The following KIF6 variants were observed in gnomAD, a reference collection of about 807,000 sequenced individuals.
KIF6 encodes the protein kinesin family member 6.
In KIF6, 106 loss-of-function variants were observed where a neutral mutation model predicts 112.7. That is an observed-to-expected ratio of 0.94 (90% CI 0.80 to 1.11). KIF6 has a LOEUF of 1.11. Among genes scored for constraint, KIF6 ranks in the 50% least tolerant of loss-of-function variants. The pLI, the probability that KIF6 is intolerant of heterozygous loss-of-function variation, is 0.00. For synonymous variants in KIF6, 339 were observed against 339.9 expected, an observed-to-expected ratio of 1.00 and a Z score of 0.03; for missense variants, 929 against 964.0, an observed-to-expected ratio of 0.96 and a Z score of 0.48.
rs149913170 is a variant in KIF6, at chr6:39,409,706, C to T, written c.1810+10242G>A. Among the ~76,000 whole-genome samples the T allele has an allele frequency of 4.3e-3, 659 of 152,296 alleles. 5 individuals are homozygous for T. Among genetic ancestry groups the T allele is most frequent in the South Asian group, 0.026 (125 of 4,822 alleles). On this transcript the variant is annotated intron_variant, in intron 15 of 22. Transcript: ENST00000287152. ...CATGAAGCCAGCACCAAACTGAGGC[C>T]GTCTCCATGCTGAGTGGAATGGCGG...
chr6:39,363,952 C>T (rs573658512), intron 16 of KIF6, among the ~76,000 whole-genome samples: 1 of 152,308 alleles, frequency 6.6e-6, no homozygotes, highest in Admixed American at 6.5e-5. Flanking sequence ...CTGTTTCCTC[C>T]TACTTTTGAG....
At chr6:39,504,236 A>G (rs185908402) in intron 13 of KIF6, among the ~76,000 whole-genome samples, 46 of 152,336 alleles carry the variant, frequency 3.0e-4, no homozygotes, top group African/African-American at 8.7e-4. Context: ...CATCAAATAA[A>G]CAGAACTAAA....
intron 3 of KIF6, among the ~76,000 whole-genome samples, chr6:39,706,371 C>T (rs904132852): frequency 1.3e-5 from 2 of 152,152 alleles, no homozygotes; most frequent in Non-Finnish European, 2.9e-5. Flanking sequence ...ACATCAACTG[C>T]TGTTGTTTTA....
chr6:39,413,507 T>G (rs1055468752), intron 15 of KIF6, among the ~76,000 whole-genome samples: 1 of 152,164 alleles, frequency 6.6e-6, no homozygotes, highest in Non-Finnish European at 1.5e-5. Flanking sequence ...CCCCTGGCTA[T>G]AGGGATTGGT....
chr6:39,710,096 C>T (rs1789449984), intron 3 of KIF6, among the ~76,000 whole-genome samples: 2 of 152,178 alleles, frequency 1.3e-5, no homozygotes, highest in Admixed American at 1.3e-4. Flanking sequence ...TGCTTAACAA[C>T]ACTCTCCTAC....
intron 15 of KIF6, among the ~76,000 whole-genome samples, chr6:39,406,047 G>A (rs1270623514): frequency 6.6e-6 from 1 of 151,754 alleles, no homozygotes; most frequent in Non-Finnish European, 1.5e-5. Context: ...TTTTGATATA[G>A]AGTCTTGCTC....
intron 19 of KIF6, among the ~76,000 whole-genome samples, chr6:39,349,937 C>G (rs11752599): frequency 0.17 from 26,464 of 151,992 alleles, 3,827 homozygotes; most frequent in African/African-American, 0.4. Flanking sequence ...GAGCCATCAT[C>G]CCTGGCCTAA....
At chr6:39,437,821 T>C (rs1339970478) in intron 13 of KIF6, among the ~76,000 whole-genome samples, 1 of 152,176 alleles carries the variant, frequency 6.6e-6, no homozygotes, top group African/African-American at 2.4e-5. Context: ...TGCAACACAT[T>C]TGTCACATGT....
chr6:39,502,373 C>G (rs536626693), intron 13 of KIF6, among the ~76,000 whole-genome samples: 25 of 151,940 alleles, frequency 1.6e-4, no homozygotes, highest in Non-Finnish European at 2.9e-4. Context: ...TTACCAGCCA[C>G]TAAAAAAAAC....
At chr6:39,409,753 C>G (rs887837763) in intron 15 of KIF6, among the ~76,000 whole-genome samples, 1 of 152,170 alleles carries the variant, frequency 6.6e-6, no homozygotes, top group African/African-American at 2.4e-5. Flanking sequence ...GCTATTCCCA[C>G]CCTTGTGTGT....
chr6:39,382,773 G>T (rs1767063609), intron 16 of KIF6, among the ~76,000 whole-genome samples: 1 of 152,030 alleles, frequency 6.6e-6, no homozygotes, highest in South Asian at 2.1e-4. Flanking sequence ...GAAATAATTT[G>T]CATTCCCACC....
chr6:39,553,999 C>A (rs1779545418), intron 10 of KIF6: 1 of 155,300 alleles, frequency 6.4e-6, no homozygotes, highest in South Asian at 1.9e-4. Context: ...ACAGCATTAC[C>A]AATGTATTGG....
chr6:39,499,620 A>G (rs917689642), intron 13 of KIF6, among the ~76,000 whole-genome samples: 2 of 152,186 alleles, frequency 1.3e-5, no homozygotes, highest in Admixed American at 6.5e-5. Flanking sequence ...CCAGCTGAGC[A>G]TGCTACCTGT....
At chr6:39,688,391 C>T (rs747442379) in intron 3 of KIF6, among the ~76,000 whole-genome samples, 2 of 152,126 alleles carry the variant, frequency 1.3e-5, no homozygotes, top group Non-Finnish European at 2.9e-5. Flanking sequence ...CACCTGATGA[C>T]TACACATCTT....
At chr6:39,390,277 A>G (rs1767771380) in intron 15 of KIF6, among the ~76,000 whole-genome samples, 1 of 152,214 alleles carries the variant, frequency 6.6e-6, no homozygotes, top group Non-Finnish European at 1.5e-5. Context: ...CGTTTTAGGT[A>G]TTCAGGCACT....
chr6:39,598,660 T>A (rs73424557), intron 6 of KIF6, among the ~76,000 whole-genome samples: 4,202 of 152,114 alleles, frequency 0.028, 169 homozygotes, highest in African/African-American at 0.09. Context: ...GACATATATA[T>A]GTGGACATTC....
intron 6 of KIF6, among the ~76,000 whole-genome samples, chr6:39,600,941 T>G (rs2150695449): frequency 6.6e-6 from 1 of 152,278 alleles, no homozygotes; most frequent in East Asian, 1.9e-4. Context: ...TATTAAGACC[T>G]GCTTCATTGC....
intron 16 of KIF6, among the ~76,000 whole-genome samples, chr6:39,373,810 A>C (rs1766221573): frequency 6.6e-6 from 1 of 152,228 alleles, no homozygotes; most frequent in African/African-American, 2.4e-5. Context: ...TACCCAAAGC[A>C]ATATATAGAT....
intron 13 of KIF6, among the ~76,000 whole-genome samples, chr6:39,503,348 C>T (rs775650010): frequency 1.2e-4 from 18 of 152,194 alleles, no homozygotes; most frequent in South Asian, 2.1e-4. Flanking sequence ...AGCTGTGTTA[C>T]GAGAGAAATT....
Sources: gnomAD v4.1 joint callset for allele counts (sites outside exome capture counted in the v4.1 genomes callset) on GRCh38, gnomAD v4.1.1 for gene constraint, MANE v1.5 for transcripts, NCBI Gene and HGNC (gene_info 2026-07-23, HGNC 2026-07-21) for gene names.